Variants in CSMD1 observed in about 807,000 individuals in gnomAD.
CSMD1 encodes CUB and sushi domain-containing protein 1.
In CSMD1, 213 loss-of-function variants were observed where a neutral mutation model predicts 417.5. The observed-to-expected ratio is 0.51, with a 90% CI of 0.46 to 0.57. The LOEUF is 0.57. CSMD1 is among the 20% of genes least tolerant of loss of function. CSMD1 has a pLI of 0.00. For missense variants in CSMD1, 6,923 were observed against 4,529.7 expected (o/e 1.53, Z -15.17); for synonymous variants, 2,862 against 1,736.8 (o/e 1.65, Z -16.11).
At chr8:4,200,193 A>G (rs1489772304) in intron 3 of CSMD1, among the ~76,000 whole-genome samples, 6 of 152,224 alleles carry the variant, frequency 3.9e-5, no homozygotes, top group Admixed American at 3.9e-4. Flanking sequence ...GACAAAATCC[A>G]GTTAAATGTT....
intron 3 of CSMD1, among the ~76,000 whole-genome samples, chr8:4,160,952 A>T (rs898355147): frequency 3.9e-5 from 6 of 152,182 alleles, no homozygotes; most frequent in Non-Finnish European, 8.8e-5. Context: ...CATCAGATGT[A>T]TTTATCAGTT....
chr8:3,226,581 C>CAAA lies in CSMD1; in HGVS notation c.4346-2717_4346-2715dup, dbSNP rs35840582. Among the ~76,000 whole-genome samples, 338 of 67,668 alleles carry CAAA rather than the reference C, an allele frequency of 5.0e-3. 4 individuals are homozygous for CAAA. The highest frequency in any genetic ancestry group is 8.2e-3 in the Non-Finnish European group (249 of 30,232). The allele number at this position is 67,668 out of a possible 152,430, so 44.4% of individuals were successfully genotyped here. ...TATGTGACAGAGCAAGACTCTGTCT[C>CAAA]AAAAAAAAAAAAAAAAAAAAGTCGT... On this transcript the variant is annotated intron_variant, in intron 27 of 69. Coordinates refer to ENST00000635120, the MANE Select transcript of CSMD1 (RefSeq NM_033225.6).
chr8:4,884,819 C>T (rs1239657900), intron 1 of CSMD1, among the ~76,000 whole-genome samples: 1 of 151,944 alleles, frequency 6.6e-6, no homozygotes, highest in Non-Finnish European at 1.5e-5. Context: ...TTTATTCCCC[C>T]TTTTCAAGAC....
chr8:4,354,507 G>A (rs1338311090), intron 3 of CSMD1, among the ~76,000 whole-genome samples: 1 of 152,132 alleles, frequency 6.6e-6, no homozygotes, highest in Middle Eastern at 3.2e-3. Flanking sequence ...TCAGAGTCAT[G>A]AATGTTTAAT....
chr8:4,522,616 G>A (rs573701546), intron 2 of CSMD1, among the ~76,000 whole-genome samples: 1 of 152,138 alleles, frequency 6.6e-6, no homozygotes, highest in Non-Finnish European at 1.5e-5. Flanking sequence ...TTTAGCAAGT[G>A]GAACCAGACC....
At chr8:3,283,089 G>T (rs1394873153) in intron 26 of CSMD1, among the ~76,000 whole-genome samples, 1 of 152,108 alleles carries the variant, frequency 6.6e-6, no homozygotes, top group Non-Finnish European at 1.5e-5. Context: ...CTATCTTTAG[G>T]AGATTATAGT....
At chr8:3,383,451 A>G (rs1049644451) in intron 18 of CSMD1, among the ~76,000 whole-genome samples, 2 of 152,020 alleles carry the variant, frequency 1.3e-5, no homozygotes, top group Non-Finnish European at 2.9e-5. Flanking sequence ...GCCTTCTTCC[A>G]CACTAGAAAA....
intron 12 of CSMD1, among the ~76,000 whole-genome samples, chr8:3,419,999 A>G (rs925592125): frequency 6.6e-6 from 1 of 152,172 alleles, no homozygotes. Context: ...GCATCTCCTT[A>G]AAGATCCAAT....
At chr8:3,698,404 T>C (rs1800672784) in intron 7 of CSMD1, among the ~76,000 whole-genome samples, 1 of 152,220 alleles carries the variant, frequency 6.6e-6, no homozygotes, top group Non-Finnish European at 1.5e-5. Context: ...GCAATTCTCC[T>C]TCTTGTTTTA....
intron 5 of CSMD1, among the ~76,000 whole-genome samples, chr8:3,825,659 C>G (rs1563118541): frequency 1.3e-5 from 2 of 152,044 alleles, no homozygotes; most frequent in African/African-American, 2.4e-5. Flanking sequence ...GCGACTGAGG[C>G]CAAGTTTTAC....
chr8:2,949,202 G>T lies in CSMD1; in HGVS notation c.10402+97C>A, dbSNP rs954507902. 53 of 671,040 alleles carry T rather than the reference G, an allele frequency of 7.9e-5. No individual in the cohort carries two copies. The South Asian group carries it at 8.4e-4, about 11-fold the overall frequency. 41.6% of individuals were successfully genotyped at this position (671,040 alleles called of 1,614,324 possible). On this transcript the variant is annotated intron_variant, in intron 68 of 69. Coordinates refer to ENST00000635120, the MANE Select transcript of CSMD1 (RefSeq NM_033225.6). The stretch of plus-strand genomic sequence containing the variant: ...TAGTCTCTCTCATTATTTTTGTTTA[G>T]GTTTCTTTTAGAGTCGTCTTTTCCA...
chr8:3,917,402 T>A (rs1313503543), intron 5 of CSMD1, among the ~76,000 whole-genome samples: 1 of 137,688 alleles, frequency 7.3e-6, no homozygotes, highest in Non-Finnish European at 1.5e-5. Flanking sequence ...AGTTTGGGTT[T>A]GGTTATACCA....
intron 1 of CSMD1, among the ~76,000 whole-genome samples, chr8:4,895,103 G>A (rs764742178): frequency 1.3e-5 from 2 of 152,092 alleles, no homozygotes; most frequent in African/African-American, 2.4e-5. Context: ...TCAGGAACTG[G>A]TTATTAAAGA....
chr8:3,700,967 C>T (rs1800828499), intron 7 of CSMD1, among the ~76,000 whole-genome samples: 1 of 151,270 alleles, frequency 6.6e-6, no homozygotes, highest in African/African-American at 2.4e-5. Context: ...CTGAGGATGA[C>T]ATGATGATAC....
intron 5 of CSMD1, among the ~76,000 whole-genome samples, chr8:3,969,294 G>A (rs989200037): frequency 2.0e-5 from 3 of 152,104 alleles, no homozygotes; most frequent in African/African-American, 7.2e-5. Context: ...AAAAGATGAG[G>A]CTGGGTGGAG....
chr8:4,759,300 C>A (rs1261973894), intron 1 of CSMD1, among the ~76,000 whole-genome samples: 1 of 152,162 alleles, frequency 6.6e-6, no homozygotes, highest in Admixed American at 6.6e-5. Flanking sequence ...CTTTCACAAG[C>A]CAAGAGGGCA....
intron 23 of CSMD1, among the ~76,000 whole-genome samples, chr8:3,316,181 C>G (rs929344064): frequency 4.6e-5 from 7 of 152,276 alleles, no homozygotes; most frequent in East Asian, 3.9e-4. Context: ...AAATATTGTT[C>G]TAACTTGTAC....
intron 2 of CSMD1, among the ~76,000 whole-genome samples, chr8:4,606,264 A>G (rs935708854): frequency 1.3e-5 from 2 of 152,140 alleles, no homozygotes; most frequent in African/African-American, 4.8e-5. Flanking sequence ...AAACCTAATA[A>G]ATTAACCTAA....
chr8:3,559,063 T>C lies in CSMD1; in HGVS notation c.1344+15882A>G, dbSNP rs951459217. 3.9e-5 allele frequency among the ~76,000 whole-genome samples: 6 copies of C among 152,308 alleles called. No individual in the cohort carries two copies. In the East Asian group the frequency reaches 5.8e-4, roughly 15 times the overall value. ...ACATGTAAAGGACCATGGAGAAGTG[T>C]TGAAGGATATTATGCTGAAGAATAA... On this transcript the variant is annotated intron_variant, in intron 10 of 69. Transcript: ENST00000635120.
Sources: allele counts gnomAD v4.1 joint callset (sites outside exome capture counted in the v4.1 genomes callset), GRCh38; gene constraint gnomAD v4.1.1; transcripts MANE v1.5; gene names NCBI Gene and HGNC (gene_info 2026-07-23, HGNC 2026-07-21).